Variants in NXN observed in about 807,000 individuals in gnomAD.
NXN encodes nucleoredoxin, also known as nucleoredoxin 1.
NXN carries 16 observed loss-of-function variants against 48.6 expected under a neutral mutation model. The observed-to-expected ratio is 0.33, with a 90% CI of 0.22 to 0.50. The LOEUF (loss-of-function observed/expected upper bound fraction) is 0.50, where lower values mean the gene tolerates loss of function less well. Ranked by LOEUF, NXN falls within the 20% of genes least tolerant of loss-of-function variation. NXN has a pLI of 0.98. For missense variants in NXN, 492 were observed against 605.5 expected (o/e 0.81, Z 1.97); for synonymous variants, 281 against 269.6 (o/e 1.04, Z -0.41).
At chr17:853,725 T>TATATATATATATA (rs1244981485) in intron 1 of NXN, among the ~76,000 whole-genome samples, 5 of 85,942 alleles carry the variant, frequency 5.8e-5, no homozygotes, top group Non-Finnish European at 1.2e-4. Context: ...ATATATATAT[T>TATATATATATATA]TTTTTTTTTT....
In NXN at chr17:920,630, A is replaced by G. The variant is rs942888607; in HGVS notation, c.360+58689T>C. On this transcript the variant is annotated intron_variant, in intron 1 of 7. Coordinates refer to ENST00000336868, the MANE Select transcript of NXN (RefSeq NM_022463.5). The surrounding 1 kb of genome is among the most constrained non-coding windows in gnomAD (Gnocchi z 4.6). ...TCTCATCAACTGTACCCTCACTGGC[A>G]GCACCCAGGACGTTCTCAATGAGGT... 1.3e-5 allele frequency among the ~76,000 whole-genome samples: 2 copies of G among 152,012 alleles called. No individual in the cohort carries two copies. The highest frequency in any genetic ancestry group is 4.8e-5 in the African/African-American group (2 of 41,400).
At chr17:822,292 AAAG>A (rs1912859630) in intron 4 of NXN, 62 bp downstream of exon 4, 4 of 1,220,536 alleles carry the variant, frequency 3.3e-6, no homozygotes, top group Admixed American at 3.7e-5. Flanking sequence ...AAAAAAAAGA[AAAG>A]AAAAAAAATG....
intron 1 of NXN, among the ~76,000 whole-genome samples, chr17:892,342 T>G (rs576653): frequency 0.98 from 149,143 of 152,342 alleles, 73,019 homozygotes; most frequent in East Asian, 1. Context: ...AGACCTCATG[T>G]TCTGAATTTA....
At chr17:836,220 T>C (rs1913819162) in intron 1 of NXN, among the ~76,000 whole-genome samples, 1 of 152,238 alleles carries the variant, frequency 6.6e-6, no homozygotes, top group East Asian at 1.9e-4. Context: ...GAGAGCAACA[T>C]GGAATCTGCC....
At chr17:954,544 C>A (rs2069145379) in intron 1 of NXN, among the ~76,000 whole-genome samples, 2 of 152,234 alleles carry the variant, frequency 1.3e-5, no homozygotes, top group Non-Finnish European at 2.9e-5. Flanking sequence ...TTCTCCTACT[C>A]AGGCATATTC....
intron 1 of NXN, among the ~76,000 whole-genome samples, chr17:967,923 G>T (rs933339082): frequency 8.6e-5 from 13 of 151,672 alleles, no homozygotes; most frequent in African/African-American, 3.2e-4. Flanking sequence ...AGCAAGCTGA[G>T]ATCGCGCCAC....
At chr17:973,958 C>T (rs1219103911) in intron 1 of NXN, among the ~76,000 whole-genome samples, 1 of 151,866 alleles carries the variant, frequency 6.6e-6, no homozygotes, top group Non-Finnish European at 1.5e-5. Context: ...GGATGACAGG[C>T]GTGAGCCACA....
At chr17:819,121 ATTTT>A in intron 5 of NXN, 1 of 340,124 alleles carries the variant, frequency 2.9e-6, no homozygotes, top group Non-Finnish European at 5.7e-6. Flanking sequence ...TAATTTTTGT[ATTTT>A]TAGTAGAGAC....
chr17:833,846 G>A (rs144676321), intron 1 of NXN, among the ~76,000 whole-genome samples: 3 of 152,162 alleles, frequency 2.0e-5, no homozygotes, highest in Non-Finnish European at 2.9e-5. Context: ...GTCAGGATCT[G>A]CCGAAAACCT....
chr17:842,992 GAA>G (rs1194739851), intron 1 of NXN, among the ~76,000 whole-genome samples: 2 of 109,302 alleles, frequency 1.8e-5, no homozygotes, highest in African/African-American at 4.0e-5. Flanking sequence ...GAGAAAGAGA[GAA>G]AGAGAGAAAG....
At chr17:969,322 C>T (rs1000761244) in intron 1 of NXN, among the ~76,000 whole-genome samples, 7 of 152,146 alleles carry the variant, frequency 4.6e-5, no homozygotes, top group East Asian at 1.9e-4. Context: ...GTCACACCCC[C>T]GGGAAACAGC....
chr17:898,735 A>G (rs7225800), intron 1 of NXN, among the ~76,000 whole-genome samples: 24,601 of 68,494 alleles, frequency 0.36, 10,480 homozygotes, highest in African/African-American at 0.67. Context: ...GGTAGTGCAC[A>G]CCTATAGTTC....
At chr17:941,860 C>T (rs377525813) in intron 1 of NXN, among the ~76,000 whole-genome samples, 357 of 42,912 alleles carry the variant, frequency 8.3e-3, no homozygotes, top group Middle Eastern at 0.015. Flanking sequence ...CCAAACACCT[C>T]CCTGGATTTA....
chr17:847,737 G>GT (rs2067880200), intron 1 of NXN, among the ~76,000 whole-genome samples: 1 of 152,118 alleles, frequency 6.6e-6, no homozygotes, highest in Admixed American at 6.6e-5. Flanking sequence ...AATGAAATAA[G>GT]TAACAGCAGG....
At chr17:879,210 C>T (rs1238655849) in intron 1 of NXN, among the ~76,000 whole-genome samples, 8 of 151,338 alleles carry the variant, frequency 5.3e-5, no homozygotes, top group African/African-American at 1.9e-4. Flanking sequence ...AAGGAGAGAA[C>T]AAAGCGGAAG....
In NXN at chr17:919,652, T is replaced by C. The variant is rs964516868; in HGVS notation, c.360+59667A>G. ...GCGGCCCTCAGACACGGGCTCTGGT[T>C]CAAGGTGGGAGACAGAGACAACACC... is the stretch of plus-strand genomic sequence containing the variant. On this transcript the variant is annotated intron_variant, in intron 1 of 7. Transcript: ENST00000336868. This position sits in a 1 kb window ranked among gnomAD's most constrained non-coding sequence, Gnocchi z 5.1. Among the ~76,000 whole-genome samples, 38 of 152,062 alleles carry C rather than the reference T, an allele frequency of 2.5e-4. No individual in the cohort carries two copies. The highest frequency in any genetic ancestry group is 8.7e-4 in the African/African-American group (36 of 41,394).
chr17:946,986 G>A (rs4968132), intron 1 of NXN, among the ~76,000 whole-genome samples: 34,937 of 152,016 alleles, frequency 0.23, 4,312 homozygotes, highest in East Asian at 0.36. Flanking sequence ...CAGCACAACC[G>A]GGAAAGCCAG....
intron 1 of NXN, among the ~76,000 whole-genome samples, chr17:968,665 T>A (rs182250172): frequency 6.6e-6 from 1 of 152,270 alleles, no homozygotes; most frequent in Non-Finnish European, 1.5e-5. Context: ...AGGCCAGGCA[T>A]GGTGGCTCAC....
intron 1 of NXN, among the ~76,000 whole-genome samples, chr17:882,677 G>A (rs1466679095): frequency 6.6e-6 from 1 of 152,092 alleles, no homozygotes; most frequent in African/African-American, 2.4e-5. Context: ...GTGTTAGCCA[G>A]GATGGTCTCG....
Sources: gnomAD v4.1 joint callset for allele counts (sites outside exome capture counted in the v4.1 genomes callset) on GRCh38, gnomAD v4.1.1 for gene constraint, Gnocchi (gnomAD v3.1) non-coding constraint, MANE v1.5 for transcripts, NCBI Gene and HGNC (gene_info 2026-07-23, HGNC 2026-07-21) for gene names.